The following PODXL variants were observed in gnomAD, a reference collection of about 807,000 sequenced individuals.
The protein encoded by PODXL is podocalyxin like, also known as podocalyxin.
A neutral mutation model predicts 48.9 loss-of-function variants in PODXL; 20 were observed. The ratio of observed to expected loss-of-function variants is 0.41; its 90% confidence interval spans 0.29 to 0.59. The LOEUF (loss-of-function observed/expected upper bound fraction) is 0.59. Among genes scored for constraint, PODXL ranks in the 20% least tolerant of loss-of-function variants. The pLI is 0.31. For missense variants in PODXL, 606 were observed against 675.1 expected (o/e 0.90, Z 1.13); for synonymous variants, 295 against 287.4 (o/e 1.03, Z -0.27).
At position 131,510,922 on chromosome 7, in the gene PODXL, C is replaced by T. The variant is rs553481012; in HGVS notation, c.612G>A (p.Ser204=). 35 of 1,614,108 alleles carry T rather than the reference C, an allele frequency of 2.2e-5. No homozygotes were observed. The highest frequency in any genetic ancestry group is 1.7e-4 in the Middle Eastern group (1 of 6,060). ...STHPVATPTS[S]GHDHLMKISS... ...AAATTTTCATAAGATGGTCATGTCC[C>T]GAGCTTGTTGGGGTGGCCACAGGAT... Residue 204 remains serine (S), a synonymous_variant, in exon 2 of 9, where the codon TCG becomes TCA. Transcript: ENST00000378555.
Position 131,500,285 on chromosome 7 carries a change from CT to C in PODXL, c.*4025del, listed in dbSNP as rs1365152023. On this transcript the variant is annotated 3_prime_UTR_variant, in exon 9 of 9. Coordinates refer to ENST00000378555, the MANE Select transcript of PODXL (RefSeq NM_001018111.3). ...GCTTGAACCAGTTTACACAAAAACA[CT>C]TTAATTGACAGTATACAATTTTCCA... 1 of 152,384 alleles carries C rather than the reference CT, an allele frequency of 6.6e-6. No individual in the cohort carries two copies. The highest frequency in any genetic ancestry group is 2.4e-5 in the African/African-American group (1 of 41,428). 9.4% of individuals were successfully genotyped at this position (152,384 alleles called of 1,614,324 possible).
At position 131,556,045 on chromosome 7, in the gene PODXL, G is replaced by A. The variant is rs183928985; in HGVS notation, c.100+215C>T. On this transcript the variant is annotated intron_variant, in intron 1 of 8. Transcript: ENST00000378555. ...CGCCCACTCCTCCCGAGTGGAGAGT[G>A]GAGACGAATCTACGCCCAGGCCCTG... 2.0e-5 allele frequency among the ~76,000 whole-genome samples: 3 copies of A among 152,370 alleles called. No individual in the cohort carries two copies. The East Asian group carries it at 5.8e-4, about 29-fold the overall frequency.
intron 1 of PODXL, among the ~76,000 whole-genome samples, chr7:131,524,404 A>AGAGAGAGAGAGAGAGAGG: frequency 1.3e-5 from 2 of 148,926 alleles, no homozygotes; most frequent in South Asian, 4.2e-4. Context: ...AGAGAGAGAG[A>AGAGAGAGAGAGAGAGAGG]GAGAAAACAA....
chr7:131,537,342 C>T (rs1035891452), intron 1 of PODXL, among the ~76,000 whole-genome samples: 16 of 151,518 alleles, frequency 1.1e-4, no homozygotes, highest in African/African-American at 2.7e-4. Context: ...CGGTGGCTCA[C>T]GCCTGTAATC....
Position 131,509,577 on chromosome 7 carries a change from C to G in PODXL, c.811G>C (p.Val271Leu). The change falls in exon 4 of 9, where the codon GTT becomes CTT. Residue 271 changes from valine (V) to leucine (L), a missense_variant. Transcript: ENST00000378555. Reference sequence around the variant, plus strand: ...GTCTGTTGAGTTCTTTGCGAGATAACCGATGACGCTGTCATTGGGAAAACG... The same window carrying G: ...GTCTGTTGAGTTCTTTGCGAGATAAGCGATGACGCTGTCATTGGGAAAACG... Reference protein sequence around the residue: ...SQSAGITASSVISQRTQQTSS... With the variant: ...SQSAGITASSLISQRTQQTSS... 2 of 1,542,384 alleles carry G rather than the reference C, an allele frequency of 1.3e-6. No individual in the cohort carries two copies. The highest frequency in any genetic ancestry group is 1.8e-6 in the Non-Finnish European group (2 of 1,142,358).
intron 1 of PODXL, among the ~76,000 whole-genome samples, chr7:131,548,443 A>C (rs1226927687): frequency 2.6e-5 from 4 of 152,202 alleles, no homozygotes; most frequent in Non-Finnish European, 5.9e-5. Flanking sequence ...CCACATGCTA[A>C]GTTCTGTTCA....
In PODXL at chr7:131,509,397, G is replaced by C. The variant is rs149080939; in HGVS notation, c.991C>G (p.Pro331Ala). 1 of 1,614,112 alleles carries C rather than the reference G, an allele frequency of 6.2e-7. No individual in the cohort carries two copies. The highest frequency in any genetic ancestry group is 8.5e-7 in the Non-Finnish European group (1 of 1,179,978). The change falls in exon 4 of 9, where the codon CCT becomes GCT. Residue 331 changes from proline to alanine, a missense_variant. By Grantham distance (27) the Pro-to-Ala change is conservative. Transcript: ENST00000378555. ...CTCTCATGAGCCACAGTGGGAGAAG[G>C]TGTTTTGGGGTATCGGTGGGTAGTT... ...ASTTHRYPKT[P>A]SPTVAHESNW...
At chr7:131,521,485 G>A (rs1798091605) in intron 1 of PODXL, among the ~76,000 whole-genome samples, 1 of 151,970 alleles carries the variant, frequency 6.6e-6, no homozygotes, top group Admixed American at 6.6e-5. Flanking sequence ...GGGATTATAG[G>A]CATGCACCAC....
chr7:131,547,374 CA>C (rs10683140), intron 1 of PODXL, among the ~76,000 whole-genome samples: 11 of 68,966 alleles, frequency 1.6e-4, no homozygotes, highest in South Asian at 7.7e-4. Flanking sequence ...AACTCCGTCT[CA>C]AAAAAAAAAA....
chr7:131,535,672 G>A (rs1798363253), intron 1 of PODXL, among the ~76,000 whole-genome samples: 1 of 152,228 alleles, frequency 6.6e-6, no homozygotes, highest in Non-Finnish European at 1.5e-5. Context: ...GTTTGACTGT[G>A]TTCCAAGAAA....
At chr7:131,542,803 TC>T in intron 1 of PODXL, among the ~76,000 whole-genome samples, 1 of 152,258 alleles carries the variant, frequency 6.6e-6, no homozygotes, top group Non-Finnish European at 1.5e-5. Context: ...AGAGCCTCCC[TC>T]CCTCTAGAGC....
chr7:131,538,814 C>T (rs941348223), intron 1 of PODXL, among the ~76,000 whole-genome samples: 7 of 152,150 alleles, frequency 4.6e-5, no homozygotes, highest in East Asian at 1.9e-4. Flanking sequence ...GAGCTTTGTA[C>T]GTGGTGTCAG....
chr7:131,536,861 A>C (rs768051368), intron 1 of PODXL, among the ~76,000 whole-genome samples: 28 of 152,218 alleles, frequency 1.8e-4, no homozygotes, highest in Non-Finnish European at 3.1e-4. Flanking sequence ...GCAGTGGCTT[A>C]CACCTGCAAT....
At position 131,505,981 on chromosome 7, in the gene PODXL, C is replaced by T. The variant is rs1230581431; in HGVS notation, c.1366G>A (p.Asp456Asn). 6.2e-7 allele frequency: 1 copy of T among 1,612,162 alleles called. No individual in the cohort carries two copies. Among genetic ancestry groups the T allele is most frequent in the Non-Finnish European group, 8.5e-7 (1 of 1,179,432 alleles). Reference sequence around the variant, plus strand: ...ATGATGAGGGGCATGCTGAAGCGGTCCTCGGCCTCCTCCGGTGGCCCCTGG... The same window carrying T: ...ATGATGAGGGGCATGCTGAAGCGGTTCTCGGCCTCCTCCGGTGGCCCCTGG... ...GDQGPPEEAE[D>N]RFSMPLIITI... Residue 456 changes from aspartate to asparagine, a missense_variant, in exon 8 of 9, where the codon GAC becomes AAC. By Grantham distance (23) the Asp-to-Asn change is conservative. Transcript: ENST00000378555.
At chr7:131,537,607 C>T (rs1430992049) in intron 1 of PODXL, among the ~76,000 whole-genome samples, 4 of 95,326 alleles carry the variant, frequency 4.2e-5, no homozygotes, top group Admixed American at 1.2e-4. Flanking sequence ...CACCCCACCC[C>T]CCCAAAAAGG....
chr7:131,504,488 C>T lies in PODXL; in HGVS notation c.1500G>A (p.Leu500=), dbSNP rs1797766890. ...CATGGTAACCATTCTCCACTGTCTGCAGCTCCTCTGTTAGCCGCTGCTAGA... is the reference window on the plus strand; with the variant it reads ...CATGGTAACCATTCTCCACTGTCTGTAGCTCCTCTGTTAGCCGCTGCTAGA... ...RKDQQRLTEE[L]QTVENGYHDN... Residue 500 remains leucine, a synonymous_variant, in exon 9 of 9, where the codon CTG becomes CTA. Coordinates refer to ENST00000378555, the MANE Select transcript of PODXL (RefSeq NM_001018111.3). 1.9e-6 allele frequency: 3 copies of T among 1,614,184 alleles called. No individual in the cohort carries two copies. The highest frequency in any genetic ancestry group is 1.3e-5 in the African/African-American group (1 of 75,062).
At chr7:131,506,179 C>T in intron 7 of PODXL, 81 bp downstream of exon 7, 1 of 1,567,222 alleles carries the variant, frequency 6.4e-7, no homozygotes, top group Middle Eastern at 1.7e-4. Context: ...GGGGTTCCTC[C>T]CCACAGAGAG....
At chr7:131,514,484 T>C (rs2116799355) in intron 1 of PODXL, among the ~76,000 whole-genome samples, 1 of 152,142 alleles carries the variant, frequency 6.6e-6, no homozygotes, top group African/African-American at 2.4e-5. Flanking sequence ...TTCTTAGTAG[T>C]TCATAAAGTA....
Position 131,510,669 on chromosome 7 carries a change from G to A in PODXL, c.706+159C>T, listed in dbSNP as rs574890506. ...GTATTTTTAGTAGAGACAGGGTTTC[G>A]CCATGTTGGCCAGGCTGGTCTCGAA... is the stretch of plus-strand genomic sequence containing the variant. On this transcript the variant is annotated intron_variant, in intron 2 of 8. Transcript: ENST00000378555. Among the ~76,000 whole-genome samples the A allele has an allele frequency of 5.4e-4, 82 of 152,026 alleles. 1 individual carries two copies. Among genetic ancestry groups the A allele is most frequent in the Admixed American group, 7.2e-4 (11 of 15,274 alleles).
Sources: gnomAD v4.1 joint callset for allele counts (sites outside exome capture counted in the v4.1 genomes callset) on GRCh38, gnomAD v4.1.1 for gene constraint, MANE v1.5 for transcripts, NCBI Gene and HGNC (gene_info 2026-07-23, HGNC 2026-07-21) for gene names.